Variants in OCA2 observed in about 807,000 individuals in gnomAD.
OCA2 encodes OCA2 melanosomal transmembrane protein.
OCA2 carries 77 observed loss-of-function variants against 100.2 expected under a neutral mutation model. That is an observed-to-expected ratio of 0.77 (90% CI 0.64 to 0.93). The LOEUF is 0.93. Ranked by LOEUF, OCA2 falls within the 40% of genes least tolerant of loss-of-function variation. The pLI is 0.00. For missense variants in OCA2, 1,062 were observed against 1,089.1 expected, an observed-to-expected ratio of 0.98 and a Z score of 0.35; for synonymous variants, 432 against 439.2, an observed-to-expected ratio of 0.98 and a Z score of 0.21.
At chr15:27,748,849 TA>T in the OCA2 span, among the ~76,000 whole-genome samples, 1 of 152,102 alleles carries the variant, frequency 6.6e-6, no homozygotes, top group Admixed American at 6.5e-5. Context: ...AAAAATAAAA[TA>T]CTTGCTGAAT....
At chr15:27,991,659 T>A (rs1374164295) in intron 9 of OCA2, among the ~76,000 whole-genome samples, 1 of 152,024 alleles carries the variant, frequency 6.6e-6, no homozygotes, top group Non-Finnish European at 1.5e-5. Flanking sequence ...TCTAAACTGG[T>A]AAAAATAACT....
At chr15:28,064,872 T>A (rs2141698662) in intron 2 of OCA2, among the ~76,000 whole-genome samples, 1 of 150,656 alleles carries the variant, frequency 6.6e-6, no homozygotes, top group East Asian at 1.9e-4. Context: ...TTTTTATTAT[T>A]ATTGTTGTTG....
intron 23 of OCA2, among the ~76,000 whole-genome samples, chr15:27,786,274 T>A (rs2032811053): frequency 6.6e-6 from 1 of 152,168 alleles, no homozygotes; most frequent in African/African-American, 2.4e-5. Flanking sequence ...CCTTTGAATA[T>A]CCACTTAAAT....
intron 23 of OCA2, among the ~76,000 whole-genome samples, chr15:27,780,526 G>T (rs901680967): frequency 1.3e-5 from 2 of 152,196 alleles, no homozygotes; most frequent in Non-Finnish European, 2.9e-5. Flanking sequence ...CCCAAGGAGG[G>T]CTCCTTTAGT....
intron 18 of OCA2, 75 bp downstream of exon 18, chr15:27,951,709 G>T: frequency 1.8e-6 from 2 of 1,104,108 alleles, no homozygotes; most frequent in East Asian, 2.5e-5. Flanking sequence ...CAAAGTCAGT[G>T]TCTGGGAACA....
intron 23 of OCA2, among the ~76,000 whole-genome samples, chr15:27,784,355 C>T (rs2032700489): frequency 6.6e-6 from 1 of 152,090 alleles, no homozygotes; most frequent in Admixed American, 6.5e-5. Context: ...TCCTGGCTAG[C>T]CTGAATCAAA....
At chr15:27,760,258 AAAG>A (rs1452638543) in intron 23 of OCA2, among the ~76,000 whole-genome samples, 4 of 152,136 alleles carry the variant, frequency 2.6e-5, no homozygotes, top group African/African-American at 9.6e-5. Context: ...TCAACCCTAT[AAAG>A]AAAATCATCT....
chr15:27,730,917 A>G, the OCA2 span, among the ~76,000 whole-genome samples: 1 of 152,036 alleles, frequency 6.6e-6, no homozygotes, highest in South Asian at 2.1e-4. Flanking sequence ...TTTTTCAGCT[A>G]TGCATGGATC....
chr15:27,854,259 T>C (rs2035870327), intron 21 of OCA2, among the ~76,000 whole-genome samples: 1 of 152,118 alleles, frequency 6.6e-6, no homozygotes, highest in Non-Finnish European at 1.5e-5. Flanking sequence ...GGAGTCCCCA[T>C]GGGGAGGACA....
chr15:27,828,784 A>AG (rs1399957406), intron 23 of OCA2, among the ~76,000 whole-genome samples: 2 of 152,168 alleles, frequency 1.3e-5, no homozygotes, highest in African/African-American at 4.8e-5. Context: ...GGCAAGTGAT[A>AG]GGGTCTGGGA....
chr15:27,725,107 C>T, the OCA2 span, among the ~76,000 whole-genome samples: 1 of 152,306 alleles, frequency 6.6e-6, no homozygotes, highest in South Asian at 2.1e-4. Flanking sequence ...GGTAAGTGCT[C>T]AACCGCAGAG....
At chr15:28,070,576 T>C (rs1285811290) in intron 2 of OCA2, among the ~76,000 whole-genome samples, 2 of 138,660 alleles carry the variant, frequency 1.4e-5, no homozygotes, top group Non-Finnish European at 3.1e-5. Context: ...CCGCCCCGTC[T>C]GGGAGGTGAG....
At chr15:28,067,215 A>G (rs778579662) in intron 2 of OCA2, among the ~76,000 whole-genome samples, 3 of 152,176 alleles carry the variant, frequency 2.0e-5, no homozygotes, top group Non-Finnish European at 4.4e-5. Flanking sequence ...TTATAGACTC[A>G]ATGCCATTCC....
At chr15:27,950,244 A>T (rs2039984578) in intron 18 of OCA2, among the ~76,000 whole-genome samples, 1 of 152,232 alleles carries the variant, frequency 6.6e-6, no homozygotes, top group Non-Finnish European at 1.5e-5. Context: ...TAAAATCAGG[A>T]GCAAAATTAT....
At position 27,794,798 on chromosome 15, in the gene OCA2, G is replaced by T. The variant is rs186416101; in HGVS notation, c.2433-39326C>A. Among the ~76,000 whole-genome samples, 3 of 152,288 alleles carry T rather than the reference G, an allele frequency of 2.0e-5. No homozygotes were observed. The East Asian group carries it at 5.8e-4, about 29-fold the overall frequency. ...CTCAATTGCCAATTTTTATGCAGAA[G>T]TTCCATGTAAAAGGTCATGTTTTGG... On this transcript the variant is annotated intron_variant, in intron 23 of 23. Coordinates refer to ENST00000354638, the MANE Select transcript of OCA2 (RefSeq NM_000275.3).
chr15:27,775,063 C>CGTGCGT (rs1555404291), intron 23 of OCA2, among the ~76,000 whole-genome samples: 8 of 142,938 alleles, frequency 5.6e-5, no homozygotes, highest in Non-Finnish European at 1.2e-4. Context: ...TTTTAGAACT[C>CGTGCGT]GTGTGTGTGT....
intron 23 of OCA2, among the ~76,000 whole-genome samples, chr15:27,841,890 C>T (rs550082382): frequency 3.9e-5 from 6 of 152,174 alleles, no homozygotes; most frequent in South Asian, 2.1e-4. Flanking sequence ...ATGGCAGTGA[C>T]GAGTTTCAGC....
At chr15:27,919,884 A>G (rs1276092196) in intron 19 of OCA2, among the ~76,000 whole-genome samples, 1 of 152,144 alleles carries the variant, frequency 6.6e-6, no homozygotes, top group Non-Finnish European at 1.5e-5. Context: ...TGGGGGTTGG[A>G]GTATATGGAA....
the OCA2 span, among the ~76,000 whole-genome samples, chr15:27,738,012 C>T: frequency 6.6e-6 from 1 of 152,172 alleles, no homozygotes; most frequent in South Asian, 2.1e-4. Context: ...AATGCTGACA[C>T]CACCACCTAC....
Sources: gnomAD v4.1 joint callset for allele counts (sites outside exome capture counted in the v4.1 genomes callset) on GRCh38, gnomAD v4.1.1 for gene constraint, MANE v1.5 for transcripts, NCBI Gene and HGNC (gene_info 2026-07-23, HGNC 2026-07-21) for gene names.